CTNNA2: variants seen among roughly 807,000 people sequenced by gnomAD.
CTNNA2 encodes the protein catenin alpha 2, also known as catenin alpha-2.
A neutral mutation model predicts 101.0 loss-of-function variants in CTNNA2; 42 were observed. The observed-to-expected ratio is 0.42, with a 90% CI of 0.32 to 0.54. CTNNA2 has a LOEUF of 0.54. Among genes scored for constraint, CTNNA2 ranks in the 20% least tolerant of loss-of-function variants. The pLI is 0.14. For missense variants in CTNNA2, 871 were observed against 1,223.1 expected (o/e 0.71, Z 4.29); for synonymous variants, 450 against 456.4 (o/e 0.99, Z 0.18).
intron 7 of CTNNA2, among the ~76,000 whole-genome samples, chr2:80,253,517 C>T (rs568531375): frequency 1.3e-5 from 2 of 152,064 alleles, no homozygotes; most frequent in Admixed American, 1.3e-4. Context: ...ACCTTGCAGG[C>T]CCTAGGAAGG....
chr2:79,480,214 C>T (rs1486052005), intron 4 of CTNNA2, among the ~76,000 whole-genome samples: 7 of 152,056 alleles, frequency 4.6e-5, no homozygotes, highest in Non-Finnish European at 4.4e-5. Flanking sequence ...GTAGTTCCCT[C>T]CCACCCAGGG....
intron 9 of CTNNA2, among the ~76,000 whole-genome samples, chr2:80,473,476 T>A (rs1572977435): frequency 6.6e-6 from 1 of 152,322 alleles, no homozygotes; most frequent in East Asian, 1.9e-4. Flanking sequence ...CTAATTTTCC[T>A]AAAATGAAAA....
chr2:80,549,163 C>T (rs1023074812), intron 11 of CTNNA2, among the ~76,000 whole-genome samples: 1 of 152,056 alleles, frequency 6.6e-6, no homozygotes, highest in Non-Finnish European at 1.5e-5. Flanking sequence ...CAAACTTTTT[C>T]CCACTTTGGA....
chr2:79,376,112 T>A (rs1677970347), intron 4 of CTNNA2, among the ~76,000 whole-genome samples: 1 of 151,940 alleles, frequency 6.6e-6, no homozygotes, highest in Non-Finnish European at 1.5e-5. Flanking sequence ...GACGCTTGAG[T>A]TAAGCAGAAG....
chr2:79,568,910 C>T (rs1028243282), intron 1 of CTNNA2, among the ~76,000 whole-genome samples: 3 of 144,430 alleles, frequency 2.1e-5, no homozygotes, highest in African/African-American at 7.7e-5. Flanking sequence ...GGTATGTGCT[C>T]ATAGTCCTAG....
chr2:79,522,436 G>A (rs1427937399), intron 1 of CTNNA2, among the ~76,000 whole-genome samples: 1 of 152,178 alleles, frequency 6.6e-6, no homozygotes, highest in Non-Finnish European at 1.5e-5. Context: ...GCTATAAGAT[G>A]AATACCTGAA....
intron 7 of CTNNA2, among the ~76,000 whole-genome samples, chr2:80,202,057 T>G (rs1707244907): frequency 6.6e-6 from 1 of 152,204 alleles, no homozygotes; most frequent in Non-Finnish European, 1.5e-5. Context: ...TTTTCCCTAC[T>G]AGCTTCAACT....
chr2:79,205,203 C>T (rs1674086011), intron 2 of CTNNA2, among the ~76,000 whole-genome samples: 1 of 152,104 alleles, frequency 6.6e-6, no homozygotes, highest in Non-Finnish European at 1.5e-5. Context: ...ATAAGCTACC[C>T]TGAAGACACC....
intron 17 of CTNNA2, among the ~76,000 whole-genome samples, chr2:80,609,432 G>C (rs1348125837): frequency 6.6e-6 from 1 of 151,676 alleles, no homozygotes; most frequent in Non-Finnish European, 1.5e-5. Context: ...GTCCCACCTA[G>C]AGCCCAGTAA....
chr2:79,971,298 A>G (rs946494384), intron 7 of CTNNA2, among the ~76,000 whole-genome samples: 1 of 152,144 alleles, frequency 6.6e-6, no homozygotes, highest in African/African-American at 2.4e-5. Flanking sequence ...TCCCTTCCTC[A>G]AGACACGCAT....
chr2:79,596,043 C>T (rs751765711), intron 1 of CTNNA2, among the ~76,000 whole-genome samples: 1 of 151,536 alleles, frequency 6.6e-6, no homozygotes, highest in Admixed American at 6.6e-5. Flanking sequence ...CCAGACCTGG[C>T]CCAATTGCTC....
At chr2:79,280,086 A>G (rs1675322632) in intron 2 of CTNNA2, among the ~76,000 whole-genome samples, 1 of 152,180 alleles carries the variant, frequency 6.6e-6, no homozygotes, top group African/African-American at 2.4e-5. Context: ...CAGGACACTA[A>G]CATTCACCCC....
intron 2 of CTNNA2, among the ~76,000 whole-genome samples, chr2:79,725,972 T>C (rs1340814460): frequency 2.0e-5 from 3 of 152,210 alleles, no homozygotes; most frequent in South Asian, 2.1e-4. Context: ...ACCTTAGGTC[T>C]GCAGATGTCC....
At chr2:80,133,642 A>G (rs1171147464) in intron 7 of CTNNA2, among the ~76,000 whole-genome samples, 1 of 152,188 alleles carries the variant, frequency 6.6e-6, no homozygotes, top group African/African-American at 2.4e-5. Context: ...ATAGAAAAAA[A>G]TTGTGCATTG....
At chr2:79,801,560 A>T (rs1676157018) in intron 3 of CTNNA2, among the ~76,000 whole-genome samples, 1 of 145,090 alleles carries the variant, frequency 6.9e-6, no homozygotes, top group Admixed American at 6.9e-5. Flanking sequence ...GTCTCTGCAG[A>T]TTCCCAGCAG....
At chr2:80,638,648 G>GA (rs954510811) in intron 18 of CTNNA2, among the ~76,000 whole-genome samples, 11 of 151,818 alleles carry the variant, frequency 7.2e-5, no homozygotes, top group Admixed American at 2.0e-4. Context: ...TTATTGGTGA[G>GA]AAAAAAAATG....
chr2:79,477,045 G>C (rs1360639125), intron 4 of CTNNA2, among the ~76,000 whole-genome samples: 5 of 152,108 alleles, frequency 3.3e-5, no homozygotes, highest in Non-Finnish European at 2.9e-5. Flanking sequence ...TGTTTTTACA[G>C]ACCTATGTCC....
At chr2:79,264,265 C>T (rs1674961787) in intron 2 of CTNNA2, among the ~76,000 whole-genome samples, 2 of 152,112 alleles carry the variant, frequency 1.3e-5, no homozygotes, top group African/African-American at 4.8e-5. Context: ...GTAAGCACAA[C>T]TAAATTCTCT....
At chr2:80,062,015 C>T in intron 7 of CTNNA2, among the ~76,000 whole-genome samples, 1 of 152,196 alleles carries the variant, frequency 6.6e-6, no homozygotes. Context: ...AAATGAGAGG[C>T]TTTCAGCCTG....
Sources: allele counts gnomAD v4.1 joint callset (sites outside exome capture counted in the v4.1 genomes callset), GRCh38; gene constraint gnomAD v4.1.1; transcripts MANE v1.5; gene names NCBI Gene and HGNC (gene_info 2026-07-23, HGNC 2026-07-21).